LRBA: variants seen among roughly 807,000 people sequenced by gnomAD.
The protein encoded by LRBA is lipopolysaccharide-responsive and beige-like anchor protein.
A neutral mutation model predicts 330.0 loss-of-function variants in LRBA; 176 were observed. The observed-to-expected ratio is 0.53, with a 90% CI of 0.47 to 0.60. LRBA has a LOEUF of 0.60. LRBA is among the 20% of genes least tolerant of loss of function. The pLI is 0.00. For missense variants in LRBA, 3,259 were observed against 3,444.8 expected (o/e 0.95, Z 1.35); for synonymous variants, 1,230 against 1,193.0 (o/e 1.03, Z -0.64).
At chr4:150,489,295 T>TAA (rs1327817238) in intron 41 of LRBA, among the ~76,000 whole-genome samples, 8 of 60,110 alleles carry the variant, frequency 1.3e-4, no homozygotes, top group South Asian at 1.3e-3. Context: ...TAAGAATATA[T>TAA]AATATATTAT....
intron 35 of LRBA, among the ~76,000 whole-genome samples, chr4:150,757,208 C>T (rs983972592): frequency 6.6e-6 from 1 of 152,060 alleles, no homozygotes; most frequent in African/African-American, 2.4e-5. Flanking sequence ...ATTACCAAAA[C>T]AATGTATTTA....
Position 150,588,501 on chromosome 4 carries a change from A to G in LRBA, c.6194-317T>C, listed in dbSNP as rs182472921. 3.5e-3 allele frequency among the ~76,000 whole-genome samples: 537 copies of G among 152,318 alleles called. 1 individual carries two copies. Among genetic ancestry groups the G allele is most frequent in the African/African-American group, 0.012 (510 of 41,576 alleles). ...GCTCTGCCTAAATAAGTCCATCCAC[A>G]TTCCATTTAGAAAACAGGCCTCAGG... On this transcript the variant is annotated intron_variant, in intron 39 of 56. Transcript: ENST00000651943.
At chr4:150,509,191 A>C (rs1443288771) in intron 40 of LRBA, among the ~76,000 whole-genome samples, 1 of 152,130 alleles carries the variant, frequency 6.6e-6, no homozygotes, top group Non-Finnish European at 1.5e-5. Flanking sequence ...TTAAAACATC[A>C]CACAGTACCC....
intron 36 of LRBA, among the ~76,000 whole-genome samples, chr4:150,722,726 A>C (rs1446770955): frequency 6.6e-6 from 1 of 151,930 alleles, no homozygotes; most frequent in Non-Finnish European, 1.5e-5. Context: ...CACATAGCAA[A>C]GCACCATCAC....
chr4:150,919,853 T>A (rs191640716), intron 5 of LRBA, among the ~76,000 whole-genome samples: 1 of 152,330 alleles, frequency 6.6e-6, no homozygotes, highest in East Asian at 1.9e-4. Context: ...CCTGCCCTAC[T>A]TTCAAGATAA....
intron 37 of LRBA, among the ~76,000 whole-genome samples, chr4:150,680,326 C>G (rs1466234479): frequency 6.6e-6 from 1 of 151,902 alleles, no homozygotes; most frequent in Non-Finnish European, 1.5e-5. Flanking sequence ...CTTTACTTAC[C>G]AATGCAATAG....
At position 150,749,437 on chromosome 4, in the gene LRBA, C is replaced by G. The variant is rs185592297; in HGVS notation, c.5645+12346G>C. On this transcript the variant is annotated intron_variant, in intron 35 of 56. Transcript: ENST00000651943. ...AAAAGATAAAGGAAAAAACAACAAC[C>G]TTCTGTGCATCAAAGGACAAACCCA... Among the ~76,000 whole-genome samples, 586 of 152,074 alleles carry G rather than the reference C, an allele frequency of 3.9e-3. 4 individuals are homozygous for G. The highest frequency in any genetic ancestry group is 0.034 in the Middle Eastern group (10 of 294).
At chr4:150,297,497 G>GA (rs1729121266) in intron 53 of LRBA, among the ~76,000 whole-genome samples, 2 of 152,042 alleles carry the variant, frequency 1.3e-5, no homozygotes, top group Admixed American at 1.3e-4. Context: ...ATGCTTCAAG[G>GA]AAAAAATAAA....
intron 49 of LRBA, among the ~76,000 whole-genome samples, chr4:150,323,739 T>C (rs1732865202): frequency 6.6e-6 from 1 of 152,208 alleles, no homozygotes; most frequent in African/African-American, 2.4e-5. Context: ...AAAGCATGAA[T>C]GAGAAACACC....
At chr4:150,921,091 A>G (rs1352378118) in intron 5 of LRBA, 107 bp downstream of exon 5, 1 of 668,178 alleles carries the variant, frequency 1.5e-6, no homozygotes, top group African/African-American at 1.8e-5. Context: ...TGTTGAGCAG[A>G]AGTTTCTACC....
chr4:150,939,554 G>C (rs2149524672), intron 2 of LRBA, among the ~76,000 whole-genome samples: 1 of 152,250 alleles, frequency 6.6e-6, no homozygotes, highest in Middle Eastern at 3.4e-3. Flanking sequence ...AATTTCCATT[G>C]TTTCAGCAAC....
At chr4:150,936,841 GATA>G (rs1298446869) in intron 2 of LRBA, among the ~76,000 whole-genome samples, 1 of 152,028 alleles carries the variant, frequency 6.6e-6, no homozygotes, top group African/African-American at 2.4e-5. Context: ...CTGCCAAGAA[GATA>G]ATGTCTGGAG....
intron 2 of LRBA, among the ~76,000 whole-genome samples, chr4:150,954,468 C>G (rs533820928): frequency 2.6e-5 from 4 of 152,000 alleles, no homozygotes; most frequent in Non-Finnish European, 5.9e-5. Flanking sequence ...AACCTTACCC[C>G]CAACCCCGTG....
intron 36 of LRBA, chr4:150,721,172 G>A: frequency 1.7e-6 from 1 of 572,680 alleles, no homozygotes; most frequent in Non-Finnish European, 3.4e-6. Flanking sequence ...TTGGTTACAT[G>A]ATAGATACCA....
intron 40 of LRBA, among the ~76,000 whole-genome samples, chr4:150,544,335 C>T (rs911849642): frequency 5.9e-5 from 9 of 152,082 alleles, no homozygotes; most frequent in African/African-American, 1.9e-4. Flanking sequence ...GCCATGTTGG[C>T]CAGGCTGGTC....
At chr4:150,550,062 C>T (rs1479883835) in intron 40 of LRBA, among the ~76,000 whole-genome samples, 1 of 152,096 alleles carries the variant, frequency 6.6e-6, no homozygotes, top group African/African-American at 2.4e-5. Flanking sequence ...GCAGAGAATT[C>T]ATTTTCTGTA....
At chr4:150,655,885 G>C (rs1780137611) in intron 37 of LRBA, among the ~76,000 whole-genome samples, 1 of 152,134 alleles carries the variant, frequency 6.6e-6, no homozygotes, top group Non-Finnish European at 1.5e-5. Context: ...ACTTTCCAAA[G>C]GTTCTATATT....
intron 47 of LRBA, among the ~76,000 whole-genome samples, chr4:150,383,815 G>C (rs111500228): frequency 2.0e-5 from 3 of 151,978 alleles, no homozygotes; most frequent in African/African-American, 7.3e-5. Context: ...AAAGCCTTAC[G>C]TTAGAACAAG....
chr4:150,874,917 T>C (rs564454439), intron 17 of LRBA, among the ~76,000 whole-genome samples: 11 of 152,276 alleles, frequency 7.2e-5, no homozygotes, highest in Admixed American at 6.5e-4. Flanking sequence ...ACTCTTCCTT[T>C]GCAGAGATCC....
Sources: gnomAD v4.1 joint callset for allele counts (sites outside exome capture counted in the v4.1 genomes callset) on GRCh38, gnomAD v4.1.1 for gene constraint, MANE v1.5 for transcripts, NCBI Gene and HGNC (gene_info 2026-07-23, HGNC 2026-07-21) for gene names.